The following PHRF1 variants were observed in gnomAD, a reference collection of about 807,000 sequenced individuals.
PHRF1 encodes PHD and ring finger domains 1.
In PHRF1, 53 loss-of-function variants were observed where a neutral mutation model predicts 128.9. That is an observed-to-expected ratio of 0.41 (90% CI 0.33 to 0.52). The LOEUF is 0.52. PHRF1 is among the 20% of genes least tolerant of loss of function. PHRF1 has a pLI of 0.21. For synonymous variants in PHRF1, 1,178 were observed against 980.6 expected (o/e 1.20, Z -3.76); for missense variants, 2,503 against 2,284.5 (o/e 1.10, Z -1.95).
chr11:594,588 A>T (rs541145434), intron 6 of PHRF1, among the ~76,000 whole-genome samples: 3 of 152,102 alleles, frequency 2.0e-5, no homozygotes, highest in Non-Finnish European at 4.4e-5. Flanking sequence ...CAGCCTCCTC[A>T]GTAGCTGGGA....
chr11:611,833 G>A lies in PHRF1; in HGVS notation c.*56G>A. 6.5e-7 allele frequency: 1 copy of A among 1,537,142 alleles called. No individual in the cohort carries two copies. The highest frequency in any genetic ancestry group is 8.7e-7 in the Non-Finnish European group (1 of 1,144,656). ...GCTGTCGGGAGTGGCGGGAATCGGG[G>A]CCATGCCCGGGGAGCTGTCGGGAGT... On this transcript the variant is annotated 3_prime_UTR_variant, in exon 18 of 18. Coordinates refer to ENST00000264555, the MANE Select transcript of PHRF1 (RefSeq NM_001286581.2).
chr11:600,567 G>A (rs1018190168), intron 9 of PHRF1, among the ~76,000 whole-genome samples: 2 of 148,146 alleles, frequency 1.4e-5, no homozygotes, highest in African/African-American at 5.0e-5. Flanking sequence ...ACAGTGGCTC[G>A]CACCTGTAAT....
chr11:592,733 A>G (rs1855054964), intron 6 of PHRF1, 59 bp downstream of exon 6: 2 of 1,559,182 alleles, frequency 1.3e-6, no homozygotes, highest in Admixed American at 1.7e-5. Flanking sequence ...GGCCAGGCGC[A>G]GGAGGGATGC....
At chr11:611,537 G>A in intron 17 of PHRF1, 97 bp from the exon 18 acceptor site, 1 of 1,541,986 alleles carries the variant, frequency 6.5e-7, no homozygotes, top group Non-Finnish European at 8.8e-7. Flanking sequence ...GCCTGCTCCT[G>A]AGCAGGGCAG....
At chr11:609,775 G>GGCCCCC in intron 14 of PHRF1, 55 bp downstream of exon 14, 1 of 1,252,516 alleles carries the variant, frequency 8.0e-7, no homozygotes, top group Non-Finnish European at 1.1e-6. Context: ...GTAAGGCCCT[G>GGCCCCC]GCCCCCGCCG....
intron 9 of PHRF1, among the ~76,000 whole-genome samples, chr11:598,748 C>G (rs1233950534): frequency 6.6e-6 from 1 of 152,260 alleles, no homozygotes. Context: ...CATTGTTCCC[C>G]TCTGCTTTCT....
At chr11:595,983 G>T (rs1354516083) in intron 6 of PHRF1, among the ~76,000 whole-genome samples, 1 of 152,162 alleles carries the variant, frequency 6.6e-6, no homozygotes, top group African/African-American at 2.4e-5. Context: ...TTCTTGTATG[G>T]CCCTAGCAAG....
intron 12 of PHRF1, 67 bp downstream of exon 12, chr11:605,791 G>A (rs1855904534): frequency 1.3e-6 from 2 of 1,523,094 alleles, no homozygotes; most frequent in Admixed American, 2.1e-5. Flanking sequence ...GAGTTCTAGG[G>A]TGGGGCCGTG....
Position 587,346 on chromosome 11 carries a change from C to A in PHRF1, c.302C>A (p.Ser101Tyr). The part of the protein sequence containing the change: ...GKLEAAGSFN[S>Y]DDDAESCPIC... Reference sequence around the variant, plus strand: ...CTGGAAGCCGCTGGCTCTTTCAATTCTGATGATGATGCAGAGAGCTGCCCA... The same window carrying A: ...CTGGAAGCCGCTGGCTCTTTCAATTATGATGATGATGCAGAGAGCTGCCCA... The change falls in exon 4 of 18, where the codon TCT becomes TAT. Residue 101 changes from serine to tyrosine, a missense_variant. Ser to Tyr is a moderately radical substitution (Grantham distance 144). Transcript: ENST00000264555. 6.2e-7 allele frequency: 1 copy of A among 1,613,846 alleles called. No individual in the cohort carries two copies. The highest frequency in any genetic ancestry group is 8.5e-7 in the Non-Finnish European group (1 of 1,179,900).
Position 605,637 on chromosome 11 carries a change from C to T in PHRF1, c.1367C>T (p.Pro456Leu), listed in dbSNP as rs780324444. The T allele has an allele frequency of 3.1e-6, 5 of 1,613,824 alleles. No homozygotes were observed. The highest frequency in any genetic ancestry group is 1.1e-5 in the South Asian group (1 of 91,092). The change falls in exon 12 of 18, where the codon CCT (proline) becomes CTT (leucine). Residue 456 changes from proline to leucine, a missense_variant. Pro to Leu is a moderately conservative substitution (Grantham distance 98, BLOSUM62 -3). Transcript: ENST00000264555. ...SEELSANPLS[P>L]LSAKRRALSR... The stretch of plus-strand genomic sequence containing the variant: ...GAGCTTTCTGCAAACCCTCTTTCCC[C>T]TCTGAGTGCCAAGAGACGGGCTCTG...
At chr11:582,157 T>C (rs896630668) in intron 3 of PHRF1, 76 bp downstream of exon 3, 2 of 1,541,254 alleles carry the variant, frequency 1.3e-6, no homozygotes, top group African/African-American at 2.8e-5. Context: ...TAACACATCC[T>C]CCGTGAGAGT....
At chr11:592,214 CTT>C (rs752462346) in intron 5 of PHRF1, among the ~76,000 whole-genome samples, 80 of 138,502 alleles carry the variant, frequency 5.8e-4, no homozygotes, top group Admixed American at 9.4e-4. Flanking sequence ...CGTGCCCAGC[CTT>C]TTTTTTTTTT....
At position 609,075 on chromosome 11, in the gene PHRF1, G is replaced by A. The variant is rs911644658; in HGVS notation, c.3619G>A (p.Ala1207Thr). 9 of 1,601,050 alleles carry A rather than the reference G, an allele frequency of 5.6e-6. No homozygotes were observed. The highest frequency in any genetic ancestry group is 7.7e-6 in the Non-Finnish European group (9 of 1,174,388). Residue 1207 changes from alanine to threonine, a missense_variant, in exon 14 of 18, where the codon GCA becomes ACA. Physicochemically the swap from Ala to Thr is moderately conservative, Grantham distance 58. Coordinates refer to ENST00000264555, the MANE Select transcript of PHRF1 (RefSeq NM_001286581.2). ...GAGGGAGGCTTCCCCAGCGCCCCTT[G>A]CACAGGGGGAGCCAGGGCGGGAAGA... is the stretch of plus-strand genomic sequence containing the variant. ...AVREASPAPLAQGEPGREDLP... is the reference protein window; with the variant it reads ...AVREASPAPLTQGEPGREDLP...
Position 597,361 on chromosome 11 carries a change from AGT to A in PHRF1, c.719-30_719-29del. 6.3e-7 allele frequency: 1 copy of A among 1,596,510 alleles called. No homozygotes were observed. On this transcript the variant is annotated intron_variant, in intron 7 of 17. Coordinates refer to ENST00000264555, the MANE Select transcript of PHRF1 (RefSeq NM_001286581.2). The surrounding 1 kb of genome is among the most constrained non-coding windows in gnomAD (Gnocchi z 6.5). ...CGTTGGGGGAGGCGTGTGGCCTGTG[AGT>A]GTGGCACATCAGCCCTGGTGGTTCT...
chr11:612,080 C>T lies in PHRF1; in HGVS notation c.*303C>T, dbSNP rs1024128279. The T allele has an allele frequency of 9.4e-6, 4 of 426,986 alleles. No individual in the cohort carries two copies. Among genetic ancestry groups the T allele is most frequent in the Non-Finnish European group, 1.2e-5 (3 of 240,946 alleles). 26.4% of individuals were successfully genotyped at this position (426,986 alleles called of 1,614,324 possible). ...TAGAAACCTCTTGATTGACTTACTACTTGGAAGATAAAGCACTTGGTGATC... is the reference window on the plus strand; with the variant it reads ...TAGAAACCTCTTGATTGACTTACTATTTGGAAGATAAAGCACTTGGTGATC... On this transcript the variant is annotated 3_prime_UTR_variant, in exon 18 of 18. Transcript: ENST00000264555.
At chr11:591,259 C>A in intron 4 of PHRF1, 125 bp from the exon 5 acceptor site, 1 of 828,636 alleles carries the variant, frequency 1.2e-6, no homozygotes, top group Non-Finnish European at 1.9e-6. Flanking sequence ...GTGTTGCCAG[C>A]AGCTTAGTGG....
chr11:578,077 G>A lies in PHRF1; in HGVS notation c.-22+1485G>A, dbSNP rs1589851834. 2.0e-5 allele frequency among the ~76,000 whole-genome samples: 3 copies of A among 152,172 alleles called. No individual in the cohort carries two copies. The East Asian group carries it at 5.8e-4, about 29-fold the overall frequency. On this transcript the variant is annotated intron_variant, in intron 1 of 17. Transcript: ENST00000264555. ...TGTGGCCTGGGACATGGCAGAGGTG[G>A]GTATGGGGAAGGGAAGATTTGTTGG...
rs376135737 is a variant in PHRF1 at position 608,444 on chromosome 11, A to G, written c.2988A>G (p.Thr996=). 19 of 1,612,366 alleles carry G rather than the reference A, an allele frequency of 1.2e-5. No homozygotes were observed. The highest frequency in any genetic ancestry group is 1.6e-5 in the Non-Finnish European group (19 of 1,179,800). Residue 996 remains threonine, a synonymous_variant, in exon 14 of 18, where the codon ACA becomes ACG. Coordinates refer to ENST00000264555, the MANE Select transcript of PHRF1 (RefSeq NM_001286581.2). ...ELRPPSRSRS[T]SSSRSRKKAK... The stretch of plus-strand genomic sequence containing the variant: ...GGCCCCCTTCCCGGTCCCGCTCCAC[A>G]TCCAGCTCCCGCAGCAGGAAGAAGG...
rs117454583 is a variant in PHRF1 at position 606,629 on chromosome 11, T to A, written c.1609+33T>A. ...CCTTCCCTGCCACGGCCCCTTCCTC[T>A]GTGGGCTGCTGGTCCTCAGGCTGTT... On this transcript the variant is annotated intron_variant, in intron 13 of 17. Coordinates refer to ENST00000264555, the MANE Select transcript of PHRF1 (RefSeq NM_001286581.2). The A allele has an allele frequency of 1.6e-3, 2,535 of 1,568,232 alleles. 2 individuals are homozygous for A. Among genetic ancestry groups the A allele is most frequent in the Non-Finnish European group, 2.0e-3 (2,325 of 1,154,720 alleles).
Sources: allele counts gnomAD v4.1 joint callset (sites outside exome capture counted in the v4.1 genomes callset), GRCh38; gene constraint gnomAD v4.1.1; non-coding constraint Gnocchi (gnomAD v3.1); transcripts MANE v1.5; gene names NCBI Gene and HGNC (gene_info 2026-07-23, HGNC 2026-07-21).